ZNF546: variants seen among roughly 807,000 people sequenced by gnomAD.
The protein encoded by ZNF546 is CTC-471F3.6.
A neutral mutation model predicts 76.2 loss-of-function variants in ZNF546; 60 were observed. The ratio of observed to expected loss-of-function variants is 0.79; its 90% CI spans 0.64 to 0.98. The LOEUF (loss-of-function observed/expected upper bound fraction) is 0.98, where lower values mean the gene tolerates loss of function less well. ZNF546 is among the 50% of genes least tolerant of loss of function. ZNF546 has a pLI of 0.00. For synonymous variants in ZNF546, 277 were observed against 328.1 expected, an observed-to-expected ratio of 0.84 and a Z score of 1.68; for missense variants, 936 against 1,035.6, an observed-to-expected ratio of 0.90 and a Z score of 1.32.
chr19:40,000,222 A>G (rs1291088682), intron 3 of ZNF546, among the ~76,000 whole-genome samples: 2 of 152,012 alleles, frequency 1.3e-5, no homozygotes, highest in African/African-American at 2.4e-5. Context: ...CTTTTTTTAG[A>G]TTTTTAAGGT....
At position 40,015,288 on chromosome 19, in the gene ZNF546, C is replaced by T. The variant is rs941920679; in HGVS notation, c.2018C>T (p.Thr673Met). 1.9e-5 allele frequency: 30 copies of T among 1,613,856 alleles called. No individual in the cohort carries two copies. The highest frequency in any genetic ancestry group is 1.5e-4 in the Admixed American group (9 of 59,992). The change falls in exon 7 of 7, where the codon ACG becomes ATG. Residue 673 changes from threonine to methionine, a missense_variant. Transcript: ENST00000347077. ...KPYECTECGK[T>M]FSRHYHLTQH... ...TACGAATGTACGGAATGTGGGAAGA[C>T]GTTTAGTCGGCACTATCATCTTACT...
At chr19:40,010,285 C>T (rs1195010282) in intron 6 of ZNF546, among the ~76,000 whole-genome samples, 1 of 151,974 alleles carries the variant, frequency 6.6e-6, no homozygotes, top group Non-Finnish European at 1.5e-5. Context: ...CATCTGTAAT[C>T]CCAGCTACTT....
intron 6 of ZNF546, 23 bp from the exon 7 acceptor site, chr19:40,013,640 CTT>C (rs546130223): frequency 0.06 from 62,611 of 1,046,550 alleles, 6 homozygotes; most frequent in African/African-American, 0.064. Flanking sequence ...TTACTCTTTG[CTT>C]TTTTTTTTTT....
intron 6 of ZNF546, among the ~76,000 whole-genome samples, chr19:40,011,717 A>G (rs1189147543): frequency 1.3e-5 from 2 of 152,246 alleles, no homozygotes; most frequent in Non-Finnish European, 2.9e-5. Flanking sequence ...ACACAAATGC[A>G]AAAATTCTAG....
chr19:40,008,763 C>T (rs1313703098), intron 6 of ZNF546, among the ~76,000 whole-genome samples, 198 bp downstream of exon 6: 1 of 152,208 alleles, frequency 6.6e-6, no homozygotes, highest in Admixed American at 6.5e-5. Flanking sequence ...TTGCCATACT[C>T]CTTGTTTCTC....
intron 3 of ZNF546, among the ~76,000 whole-genome samples, chr19:40,003,131 G>A (rs1184173270): frequency 1.3e-5 from 2 of 149,734 alleles, no homozygotes; most frequent in African/African-American, 5.0e-5. Flanking sequence ...TGCCTCCCAG[G>A]TTCACACCAT....
intron 3 of ZNF546, among the ~76,000 whole-genome samples, chr19:40,004,847 G>A (rs1245097293): frequency 3.3e-5 from 5 of 151,886 alleles, no homozygotes; most frequent in Admixed American, 2.0e-4. Context: ...ATTTAGTATA[G>A]TATTTAATAT....
At chr19:40,004,652 A>G (rs1228461014) in intron 3 of ZNF546, among the ~76,000 whole-genome samples, 2 of 152,206 alleles carry the variant, frequency 1.3e-5, no homozygotes, top group Non-Finnish European at 2.9e-5. Flanking sequence ...ACATATAGAT[A>G]TATACATTTT....
intron 3 of ZNF546, among the ~76,000 whole-genome samples, chr19:40,000,398 G>T (rs895950844): frequency 3.9e-5 from 6 of 152,048 alleles, no homozygotes; most frequent in African/African-American, 1.4e-4. Flanking sequence ...GCCCAGGCAG[G>T]TGGATCACGA....
At chr19:40,008,725 A>AT (rs1734104508) in intron 6 of ZNF546, among the ~76,000 whole-genome samples, 160 bp downstream of exon 6, 1 of 152,204 alleles carries the variant, frequency 6.6e-6, no homozygotes, top group African/African-American at 2.4e-5. Context: ...TTCTCTCTAC[A>AT]TTAGCTACCA....
Position 40,019,833 on chromosome 19 carries a change from G to C in ZNF546, c.*4052G>C, listed in dbSNP as rs1480759076. The stretch of plus-strand genomic sequence containing the variant: ...TTCTAGTTTTCCAAATTAATGATGG[G>C]AAAGGAAGAGCTGATCCAGTCCAAG... On this transcript the variant is annotated 3_prime_UTR_variant, in exon 7 of 7. Coordinates refer to ENST00000347077, the MANE Select transcript of ZNF546 (RefSeq NM_178544.5). The C allele has an allele frequency of 6.6e-6, 1 of 152,184 alleles. No individual in the cohort carries two copies. Among genetic ancestry groups the C allele is most frequent in the Non-Finnish European group, 1.5e-5 (1 of 68,028 alleles). The allele number at this position is 152,184 out of a possible 1,614,324, so 9.4% of individuals were successfully genotyped here. A position where few individuals can be genotyped will look rare whatever the true frequency, so the allele number is the denominator to read the frequency against.
At position 40,007,315 on chromosome 19, in the gene ZNF546, A is replaced by G. The variant is rs1971615898; in HGVS notation, c.213A>G (p.Gln71=). The G allele has an allele frequency of 1.1e-5, 18 of 1,604,818 alleles. No homozygotes were observed. In the East Asian group the frequency reaches 4.0e-4, roughly 36 times the overall value. Residue 71 remains glutamine, a synonymous_variant, in exon 5 of 7, where the codon CAA becomes CAG. Transcript: ENST00000347077. Reference sequence around the variant, plus strand: ...GGGATGTGTCCATAGACCTCTCCCAAGAGGAGTGGGAGTGCCTGGACGCTG... The same window carrying G: ...GGGATGTGTCCATAGACCTCTCCCAGGAGGAGTGGGAGTGCCTGGACGCTG... ...AFRDVSIDLS[Q]EEWECLDAVQ...
At chr19:40,010,052 T>C (rs2144646174) in intron 6 of ZNF546, among the ~76,000 whole-genome samples, 1 of 152,288 alleles carries the variant, frequency 6.6e-6, no homozygotes, top group Middle Eastern at 3.4e-3. Context: ...GTAGAATGGG[T>C]AGATCATATG....
At chr19:39,997,631 G>T (rs1233489594) in intron 1 of ZNF546, among the ~76,000 whole-genome samples, 1 of 152,208 alleles carries the variant, frequency 6.6e-6, no homozygotes, top group African/African-American at 2.4e-5. Context: ...TGGAGCCGCT[G>T]TGTGGGCAGC....
At chr19:40,006,071 CAG>C in intron 3 of ZNF546, 23 bp from the exon 4 acceptor site, 1 of 1,604,204 alleles carries the variant, frequency 6.2e-7, no homozygotes, top group Non-Finnish European at 8.5e-7. Flanking sequence ...CATCTGGTCT[CAG>C]AGTCACTTGT....
At chr19:40,012,802 C>T (rs1258615917) in intron 6 of ZNF546, among the ~76,000 whole-genome samples, 1 of 151,814 alleles carries the variant, frequency 6.6e-6, no homozygotes, top group Non-Finnish European at 1.5e-5. Context: ...ATCCTATTCA[C>T]CTATTTTACC....
chr19:40,003,148 A>C (rs12985843), intron 3 of ZNF546, among the ~76,000 whole-genome samples: 1 of 144,496 alleles, frequency 6.9e-6, no homozygotes, highest in Non-Finnish European at 1.5e-5. Flanking sequence ...CCATTCTCCT[A>C]CCTCAGCCTC....
chr19:40,008,197 G>A (rs919238540), intron 5 of ZNF546, among the ~76,000 whole-genome samples: 1 of 152,182 alleles, frequency 6.6e-6, no homozygotes, highest in Non-Finnish European at 1.5e-5. Flanking sequence ...GGGCTCCAGA[G>A]GGTGTGCTCA....
At chr19:40,007,241 A>T in intron 4 of ZNF546, 33 bp from the exon 5 acceptor site, 1 of 1,447,674 alleles carries the variant, frequency 6.9e-7, no homozygotes, top group Non-Finnish European at 9.2e-7. Context: ...AATACATTTA[A>T]TTTTTTTTTA....
Sources: allele counts gnomAD v4.1 joint callset (sites outside exome capture counted in the v4.1 genomes callset), GRCh38; gene constraint gnomAD v4.1.1; transcripts MANE v1.5; gene names NCBI Gene and HGNC (gene_info 2026-07-23, HGNC 2026-07-21).